LRMDA: variants seen among roughly 807,000 people sequenced by gnomAD.
LRMDA encodes leucine-rich melanocyte differentiation-associated protein.
In LRMDA, 18 loss-of-function variants were observed where a neutral mutation model predicts 29.8. That is an observed-to-expected ratio of 0.60 (90% CI 0.42 to 0.90). LRMDA has a LOEUF of 0.90. Ranked by LOEUF, LRMDA falls within the 40% of genes least tolerant of loss-of-function variation. LRMDA has a pLI of 0.00. For synonymous variants in LRMDA, 125 were observed against 109.4 expected (o/e 1.14, Z -0.89); for missense variants, 273 against 273.9 (o/e 1.00, Z 0.02).
At chr10:76,061,482 T>A (rs182438621) in intron 5 of LRMDA, among the ~76,000 whole-genome samples, 16 of 152,300 alleles carry the variant, frequency 1.1e-4, no homozygotes, top group Admixed American at 1.0e-3. Flanking sequence ...CAAGTTTACC[T>A]ATGTAACCAA....
chr10:75,611,418 G>A (rs543565763), intron 2 of LRMDA, among the ~76,000 whole-genome samples: 11 of 152,080 alleles, frequency 7.2e-5, no homozygotes, highest in Non-Finnish European at 1.5e-4. Context: ...GGCATTACCC[G>A]CATTCACATT....
intron 2 of LRMDA, among the ~76,000 whole-genome samples, chr10:75,617,184 A>G (rs1841114794): frequency 6.6e-6 from 1 of 152,232 alleles, no homozygotes; most frequent in Non-Finnish European, 1.5e-5. Flanking sequence ...GATATGAGGC[A>G]TTCAGGTAAG....
At chr10:75,433,227 T>C (rs1844224089) in intron 1 of LRMDA, among the ~76,000 whole-genome samples, 1 of 152,132 alleles carries the variant, frequency 6.6e-6, no homozygotes, top group African/African-American at 2.4e-5. Context: ...TCAGATTTGG[T>C]GTTCTCCCGG....
intron 2 of LRMDA, among the ~76,000 whole-genome samples, chr10:75,603,891 G>A (rs1042236033): frequency 4.6e-5 from 7 of 152,154 alleles, no homozygotes; most frequent in Non-Finnish European, 1.0e-4. Context: ...GCGTTGATGA[G>A]GACAGCCAAG....
chr10:76,161,023 C>T (rs1850637373), intron 5 of LRMDA, among the ~76,000 whole-genome samples: 1 of 151,912 alleles, frequency 6.6e-6, no homozygotes, highest in South Asian at 2.1e-4. Context: ...TTATGATGTC[C>T]CGAGAAACGG....
intron 2 of LRMDA, among the ~76,000 whole-genome samples, chr10:75,546,907 G>A (rs899445313): frequency 6.6e-6 from 1 of 152,086 alleles, no homozygotes; most frequent in Non-Finnish European, 1.5e-5. Flanking sequence ...CAGACACATA[G>A]GGTACTTCAA....
At chr10:76,503,013 A>T (rs1452472475) in intron 6 of LRMDA, among the ~76,000 whole-genome samples, 1 of 151,964 alleles carries the variant, frequency 6.6e-6, no homozygotes, top group African/African-American at 2.4e-5. Flanking sequence ...TCTCTTCAGT[A>T]TGACATTGGC....
chr10:76,323,783 C>A (rs1410267110), intron 5 of LRMDA, among the ~76,000 whole-genome samples: 2 of 152,162 alleles, frequency 1.3e-5, no homozygotes, highest in East Asian at 3.8e-4. Context: ...ATGTTATTTT[C>A]TTTTAGGCCT....
At chr10:75,650,116 T>G (rs1239902917) in intron 2 of LRMDA, among the ~76,000 whole-genome samples, 1 of 152,252 alleles carries the variant, frequency 6.6e-6, no homozygotes, top group Non-Finnish European at 1.5e-5. Context: ...AAGATTTTAG[T>G]TGATGAAGTC....
chr10:75,667,726 T>C (rs1841840741), intron 2 of LRMDA, among the ~76,000 whole-genome samples: 1 of 152,206 alleles, frequency 6.6e-6, no homozygotes, highest in South Asian at 2.1e-4. Flanking sequence ...GAACCATAAA[T>C]ACAGTGGATC....
chr10:75,998,306 T>C (rs1359746839), intron 2 of LRMDA, among the ~76,000 whole-genome samples: 9 of 152,180 alleles, frequency 5.9e-5, no homozygotes, highest in African/African-American at 2.2e-4. Context: ...TTGCTCCTTG[T>C]CTGCTTTGAC....
At chr10:76,314,855 C>G (rs184103003) in intron 5 of LRMDA, among the ~76,000 whole-genome samples, 41 of 152,300 alleles carry the variant, frequency 2.7e-4, no homozygotes, top group Non-Finnish European at 8.8e-5. Flanking sequence ...CTACATCGCA[C>G]AGCTAATTCT....
chr10:76,127,954 C>CAACTTAAAAAAAACTTAAAAAA (rs1849914506), intron 5 of LRMDA, among the ~76,000 whole-genome samples: 1 of 151,764 alleles, frequency 6.6e-6, no homozygotes, highest in Non-Finnish European at 1.5e-5. Flanking sequence ...GCATTTTAAC[C>CAACTTAAAAAAAACTTAAAAAA]AACTTAAAAA....
Position 75,552,044 on chromosome 10 carries a change from G to A in LRMDA, c.131+113550G>A, listed in dbSNP as rs187077121. Among the ~76,000 whole-genome samples the A allele has an allele frequency of 6.5e-3, 947 of 146,594 alleles. 9 individuals carry two copies. Among genetic ancestry groups the A allele is most frequent in the African/African-American group, 0.023 (836 of 36,282 alleles). ...GGCAACAGAGTTAGACACTGCCTAG[G>A]CAACAGAGTTAGACCGTGTCTCTAA... is the stretch of plus-strand genomic sequence containing the variant. On this transcript the variant is annotated intron_variant, in intron 2 of 6. Transcript: ENST00000611255.
chr10:75,663,865 C>T (rs1430332), intron 2 of LRMDA, among the ~76,000 whole-genome samples: 93,092 of 151,998 alleles, frequency 0.61, 32,512 homozygotes, highest in Non-Finnish European at 0.77. Flanking sequence ...GGTTCCATGG[C>T]GAGGACTGCT....
chr10:75,659,436 A>G (rs1337348194), intron 2 of LRMDA, among the ~76,000 whole-genome samples: 1 of 152,162 alleles, frequency 6.6e-6, no homozygotes. Flanking sequence ...CAAGACACAC[A>G]ACATGATGAT....
chr10:75,845,909 T>A (rs186376781), intron 2 of LRMDA, among the ~76,000 whole-genome samples: 1 of 152,178 alleles, frequency 6.6e-6, no homozygotes, highest in Non-Finnish European at 1.5e-5. Flanking sequence ...ACTTAGTTTT[T>A]CTCAGTCTAC....
chr10:76,224,417 CAA>C (rs1200429689), intron 5 of LRMDA, among the ~76,000 whole-genome samples: 1 of 151,738 alleles, frequency 6.6e-6, no homozygotes. Context: ...ACAAAAAATA[CAA>C]AAGTTAGCCA....
At chr10:76,000,340 C>A (rs1468464680) in intron 2 of LRMDA, among the ~76,000 whole-genome samples, 1 of 152,104 alleles carries the variant, frequency 6.6e-6, no homozygotes, top group African/African-American at 2.4e-5. Flanking sequence ...GCTCCTACTG[C>A]GGTGTCTCCT....
Sources: gnomAD v4.1 joint callset for allele counts (sites outside exome capture counted in the v4.1 genomes callset) on GRCh38, gnomAD v4.1.1 for gene constraint, MANE v1.5 for transcripts, NCBI Gene and HGNC (gene_info 2026-07-23, HGNC 2026-07-21) for gene names.